The following SARDH variants were observed in gnomAD, a reference collection of about 807,000 sequenced individuals.
SARDH encodes the protein sarcosine dehydrogenase, also known as sarcosine dehydrogenase, mitochondrial.
Under a neutral mutation model 109.1 loss-of-function variants are expected in SARDH, and 95 were observed. The observed-to-expected ratio is 0.87, with a 90% CI of 0.74 to 1.03. The LOEUF (loss-of-function observed/expected upper bound fraction) is 1.03, where lower values mean the gene tolerates loss of function less well. Among genes scored for constraint, SARDH ranks in the 50% least tolerant of loss-of-function variants. The probability of loss-of-function intolerance (pLI) is 0.00; values close to 1 mark genes in which losing one functional copy is unlikely to be tolerated. For synonymous variants in SARDH, 572 were observed against 534.8 expected (o/e 1.07, Z -0.96); for missense variants, 1,267 against 1,287.8 (o/e 0.98, Z 0.25).
intron 3 of SARDH, 121 bp from the exon 4 acceptor site, chr9:133,731,605 G>T: frequency 1.0e-6 from 1 of 958,722 alleles, no homozygotes; most frequent in Non-Finnish European, 1.6e-6. Flanking sequence ...GCCTTAGCCG[G>T]TCCCCACGCC....
rs190617606 is a variant in SARDH at position 133,692,374 on chromosome 9, T to C, written c.1922-1847A>G. On this transcript the variant is annotated intron_variant, in intron 15 of 20. Transcript: ENST00000439388. The surrounding 1 kb of genome is among the most constrained non-coding windows in gnomAD (Gnocchi z 5.0). Reference sequence around the variant, plus strand: ...GGGCCGCCCCTCTACTGGGGGCTGATGCCTAGCTCCTTACAGGCAACACTC... The same window carrying C: ...GGGCCGCCCCTCTACTGGGGGCTGACGCCTAGCTCCTTACAGGCAACACTC... Among the ~76,000 whole-genome samples the C allele has an allele frequency of 2.0e-4, 31 of 152,258 alleles. No homozygotes were observed. Among genetic ancestry groups the C allele is most frequent in the African/African-American group, 6.7e-4 (28 of 41,530 alleles).
At chr9:133,677,772 C>T (rs1218482237) in intron 17 of SARDH, among the ~76,000 whole-genome samples, 2 of 152,228 alleles carry the variant, frequency 1.3e-5, no homozygotes, top group Non-Finnish European at 2.9e-5. Flanking sequence ...GGCGCTGTTC[C>T]CAGCCAGTTG....
intron 17 of SARDH, among the ~76,000 whole-genome samples, chr9:133,677,003 G>A (rs1043047105): frequency 1.3e-5 from 2 of 152,148 alleles, no homozygotes; most frequent in African/African-American, 4.8e-5. Context: ...GCTGGCTGTG[G>A]TGATGGGCAC....
At chr9:133,714,835 C>G (rs995758880) in intron 8 of SARDH, among the ~76,000 whole-genome samples, 1 of 152,134 alleles carries the variant, frequency 6.6e-6, no homozygotes, top group Non-Finnish European at 1.5e-5. Flanking sequence ...CAGGGAGCAC[C>G]TTGGGAGGGC....
At chr9:133,729,308 G>A (rs892738319) in intron 6 of SARDH, among the ~76,000 whole-genome samples, 1 of 152,062 alleles carries the variant, frequency 6.6e-6, no homozygotes, top group Non-Finnish European at 1.5e-5. Flanking sequence ...GGTGCCAGGA[G>A]GTGAACCCAG....
intron 13 of SARDH, among the ~76,000 whole-genome samples, chr9:133,701,805 G>A (rs1359138486): frequency 6.6e-6 from 1 of 152,238 alleles, no homozygotes; most frequent in Non-Finnish European, 1.5e-5. Flanking sequence ...ACTAGAGCAA[G>A]CTTTCGGGGA....
At position 133,712,942 on chromosome 9, in the gene SARDH, C is replaced by A. The variant is rs983792808; in HGVS notation, c.1237+96G>T. ...CAGCCTCTCCTGTCCCCACCACTGT[C>A]GGGGGCCACGGTGCTCCTGCGCCCG... On this transcript the variant is annotated intron_variant, in intron 9 of 20. Transcript: ENST00000439388. The surrounding 1 kb of genome is among the most constrained non-coding windows in gnomAD (Gnocchi z 4.1). The A allele has an allele frequency of 8.0e-7, 1 of 1,253,814 alleles. No individual in the cohort carries two copies. The highest frequency in any genetic ancestry group is 1.1e-6 in the Non-Finnish European group (1 of 886,656). 77.7% of individuals were successfully genotyped at this position (1,253,814 alleles called of 1,614,324 possible).
chr9:133,684,352 C>T (rs111288338), intron 17 of SARDH, among the ~76,000 whole-genome samples: 5,858 of 152,314 alleles, frequency 0.038, 158 homozygotes, highest in South Asian at 0.073. Context: ...CAGAGCCGCC[C>T]GCACTATGGC....
chr9:133,664,119 G>C, intron 20 of SARDH, 105 bp from the exon 21 acceptor site: 1 of 1,450,530 alleles, frequency 6.9e-7, no homozygotes, highest in Non-Finnish European at 9.3e-7. Context: ...TACCTGCCCT[G>C]TGGGCAAACT....
At chr9:133,670,522 G>A (rs945815546) in intron 19 of SARDH, 62 bp downstream of exon 19, 29 of 1,511,990 alleles carry the variant, frequency 1.9e-5, no homozygotes, top group Middle Eastern at 1.7e-4. Flanking sequence ...ACCAAGAAGC[G>A]CCTGCCTGCC....
intron 10 of SARDH, among the ~76,000 whole-genome samples, chr9:133,711,423 A>T (rs1256485403): frequency 6.6e-6 from 1 of 152,192 alleles, no homozygotes; most frequent in African/African-American, 2.4e-5. Flanking sequence ...GAGGGGCCTG[A>T]ATTGGCCCTT....
rs372863870 is a variant in SARDH, at chr9:133,693,620, G to A, written c.1921+638C>T. On this transcript the variant is annotated intron_variant, in intron 15 of 20. Transcript: ENST00000439388. The surrounding 1 kb of genome is among the most constrained non-coding windows in gnomAD (Gnocchi z 5.6). Reference sequence around the variant, plus strand: ...TCATCCCTGGTGGGGATGGGTTACAGGACGAGAGATCAGATGGCTCCTGTG... The same window carrying A: ...TCATCCCTGGTGGGGATGGGTTACAAGACGAGAGATCAGATGGCTCCTGTG... 2.0e-5 allele frequency among the ~76,000 whole-genome samples: 3 copies of A among 152,192 alleles called. No homozygotes were observed. The highest frequency in any genetic ancestry group is 1.9e-4 in the East Asian group (1 of 5,202).
chr9:133,671,785 C>T, intron 17 of SARDH, 88 bp from the exon 18 acceptor site: 1 of 1,451,180 alleles, frequency 6.9e-7, no homozygotes, highest in Non-Finnish European at 9.2e-7. Flanking sequence ...GCAGCTCCTA[C>T]TGTCACCAGG....
Position 133,709,122 on chromosome 9 carries a change from A to G in SARDH, c.1329-694T>C, listed in dbSNP as rs2488550. On this transcript the variant is annotated intron_variant, in intron 10 of 20. Coordinates refer to ENST00000439388, the MANE Select transcript of SARDH (RefSeq NM_001134707.2). This position sits in a 1 kb window ranked among gnomAD's most constrained non-coding sequence, Gnocchi z 4.2. The stretch of plus-strand genomic sequence containing the variant: ...CTGGGACCGGAGATGATGTGGCTGC[A>G]ATAGTTTTGGGTTTGTTCCTTCGAG... Among the ~76,000 whole-genome samples the G allele has an allele frequency of 0.99, 150,450 of 152,270 alleles. 74,354 individuals are homozygous for G. Among genetic ancestry groups the G allele is most frequent in the East Asian group, 1 (5,168 of 5,168 alleles).
intron 17 of SARDH, among the ~76,000 whole-genome samples, chr9:133,672,602 T>G (rs1174266084): frequency 6.6e-6 from 1 of 152,204 alleles, no homozygotes; most frequent in Non-Finnish European, 1.5e-5. Context: ...GACAGCCAGG[T>G]GCCAAGCCCG....
At chr9:133,725,480 C>T (rs987487562) in intron 6 of SARDH, 9 of 422,920 alleles carry the variant, frequency 2.1e-5, no homozygotes, top group African/African-American at 6.1e-5. Flanking sequence ...CGAGACCAGC[C>T]TTGGCAACAT....
chr9:133,703,085 TC>T (rs1272404643), intron 12 of SARDH, 56 bp from the exon 13 acceptor site: 3 of 1,469,870 alleles, frequency 2.0e-6, no homozygotes, highest in Non-Finnish European at 1.9e-6. Context: ...CCCGCTTCCC[TC>T]CCCAGAGCGG....
At chr9:133,702,331 C>G (rs1469638514) in intron 13 of SARDH, among the ~76,000 whole-genome samples, 1 of 152,230 alleles carries the variant, frequency 6.6e-6, no homozygotes, top group African/African-American at 2.4e-5. Flanking sequence ...AGCCAGGTCC[C>G]CAGGCAGGGG....
intron 8 of SARDH, among the ~76,000 whole-genome samples, chr9:133,714,786 G>C (rs922947634): frequency 3.4e-4 from 51 of 152,146 alleles, no homozygotes; most frequent in Non-Finnish European, 5.9e-4. Context: ...AAAAAAGGGG[G>C]GATTGGGGAG....
Sources: gnomAD v4.1 joint callset for allele counts (sites outside exome capture counted in the v4.1 genomes callset) on GRCh38, gnomAD v4.1.1 for gene constraint, Gnocchi (gnomAD v3.1) non-coding constraint, MANE v1.5 for transcripts, NCBI Gene and HGNC (gene_info 2026-07-23, HGNC 2026-07-21) for gene names.